Variants in CFDP1 observed in about 807,000 individuals in gnomAD.
The protein encoded by CFDP1 is heterochromatin-stabilizing protein CFDP1.
In CFDP1, 31 loss-of-function variants were observed where a neutral mutation model predicts 40.1. That is an observed-to-expected ratio of 0.77 (90% CI 0.58 to 1.04). The LOEUF (loss-of-function observed/expected upper bound fraction) is 1.04, where lower values mean the gene tolerates loss of function less well. Among genes scored for constraint, CFDP1 ranks in the 50% least tolerant of loss-of-function variants. The pLI, the probability that CFDP1 is intolerant of heterozygous loss-of-function variation, is 0.00. For synonymous variants in CFDP1, 167 were observed against 120.0 expected, an observed-to-expected ratio of 1.39 and a Z score of -2.56; for missense variants, 423 against 343.4, an observed-to-expected ratio of 1.23 and a Z score of -1.83.
At chr16:75,294,949 A>G in intron 6 of CFDP1, among the ~76,000 whole-genome samples, 1 of 152,112 alleles carries the variant, frequency 6.6e-6, no homozygotes, top group Non-Finnish European at 1.5e-5. Context: ...ATCTTAATGC[A>G]CCTCCTCACC....
intron 2 of CFDP1, among the ~76,000 whole-genome samples, chr16:75,414,297 C>T (rs768501413): frequency 6.6e-6 from 1 of 152,058 alleles, no homozygotes; most frequent in Admixed American, 6.5e-5. Context: ...GGCAAAGCAA[C>T]AAGGTCTAGG....
chr16:75,400,055 C>T (rs111560531), intron 4 of CFDP1, among the ~76,000 whole-genome samples: 3 of 139,996 alleles, frequency 2.1e-5, no homozygotes, highest in Admixed American at 1.5e-4. Flanking sequence ...GAGCCGAGAT[C>T]GTGCCATTGC....
intron 5 of CFDP1, among the ~76,000 whole-genome samples, chr16:75,384,043 T>A (rs1198382244): frequency 6.6e-6 from 1 of 152,118 alleles, no homozygotes; most frequent in Non-Finnish European, 1.5e-5. Flanking sequence ...TAATAAAAAG[T>A]CTGTTTTGGT....
At chr16:75,330,965 A>G (rs1359478999) in intron 5 of CFDP1, among the ~76,000 whole-genome samples, 1 of 146,156 alleles carries the variant, frequency 6.8e-6, no homozygotes, top group East Asian at 2.0e-4. Context: ...CAATTATTAA[A>G]AAAAAAAAAA....
chr16:75,387,498 A>G (rs1375222683), intron 5 of CFDP1, among the ~76,000 whole-genome samples: 1 of 152,172 alleles, frequency 6.6e-6, no homozygotes, highest in Non-Finnish European at 1.5e-5. Flanking sequence ...GTAAGACAAC[A>G]CCAGTACCAC....
At chr16:75,335,048 T>G (rs1437792045) in intron 5 of CFDP1, among the ~76,000 whole-genome samples, 4 of 152,094 alleles carry the variant, frequency 2.6e-5, no homozygotes, top group Non-Finnish European at 4.4e-5. Flanking sequence ...GGCATGTGTG[T>G]GGAAGCTGAG....
intron 5 of CFDP1, among the ~76,000 whole-genome samples, chr16:75,341,753 TTTC>T (rs1323493986): frequency 1.3e-5 from 2 of 152,158 alleles, no homozygotes; most frequent in Non-Finnish European, 2.9e-5. Flanking sequence ...TCCTGTTCTC[TTTC>T]TTCTTCTTGC....
At position 75,395,496 on chromosome 16, in the gene CFDP1, T is replaced by C. The variant is rs370488706; in HGVS notation, c.531-287A>G. ...CAACATGGTGAAATCCCGTCTCTATTAAAAATATAAAAATTAGCTGGGCGT... is the reference window on the plus strand; with the variant it reads ...CAACATGGTGAAATCCCGTCTCTATCAAAAATATAAAAATTAGCTGGGCGT... On this transcript the variant is annotated intron_variant, in intron 4 of 6. Coordinates refer to ENST00000283882, the MANE Select transcript of CFDP1 (RefSeq NM_006324.3). 6.5e-3 allele frequency among the ~76,000 whole-genome samples: 980 copies of C among 151,680 alleles called. 8 individuals carry two copies. Among genetic ancestry groups the C allele is most frequent in the Middle Eastern group, 0.017 (5 of 290 alleles).
intron 5 of CFDP1, among the ~76,000 whole-genome samples, chr16:75,375,849 T>C (rs534263611): frequency 6.6e-6 from 1 of 151,294 alleles, no homozygotes; most frequent in Non-Finnish European, 1.5e-5. Flanking sequence ...ATGGACCAAG[T>C]AGAACCCTCA....
At chr16:75,375,046 T>C (rs1261607478) in intron 5 of CFDP1, among the ~76,000 whole-genome samples, 1 of 120,064 alleles carries the variant, frequency 8.3e-6, no homozygotes, top group Non-Finnish European at 1.9e-5. Context: ...ATATATTGCT[T>C]CTATGTTTCT....
At chr16:75,335,642 C>T (rs994487087) in intron 5 of CFDP1, among the ~76,000 whole-genome samples, 2 of 151,358 alleles carry the variant, frequency 1.3e-5, no homozygotes, top group East Asian at 1.9e-4. Context: ...CTGCAAGCTC[C>T]GCCTCCCGGG....
intron 5 of CFDP1, among the ~76,000 whole-genome samples, chr16:75,310,486 A>T (rs1386078243): frequency 2.6e-5 from 4 of 152,344 alleles, no homozygotes; most frequent in African/African-American, 9.6e-5. Flanking sequence ...AAAGTTTATA[A>T]TGATAATTTT....
intron 1 of CFDP1, among the ~76,000 whole-genome samples, chr16:75,427,064 C>A (rs568334985): frequency 3.8e-4 from 53 of 138,326 alleles, no homozygotes; most frequent in African/African-American, 1.1e-3. Context: ...AAAAAAAAAA[C>A]AAAACAAATA....
intron 5 of CFDP1, among the ~76,000 whole-genome samples, chr16:75,361,219 C>A (rs2078677356): frequency 6.6e-6 from 1 of 152,132 alleles, no homozygotes; most frequent in South Asian, 2.1e-4. Flanking sequence ...CCATGTTGGC[C>A]AGGCTGCTCT....
intron 5 of CFDP1, among the ~76,000 whole-genome samples, chr16:75,309,847 C>CAAAAAA (rs2078285032): frequency 8.8e-6 from 1 of 113,856 alleles, no homozygotes; most frequent in Non-Finnish European, 1.9e-5. Flanking sequence ...AAAAAAAAAC[C>CAAAAAA]AATCCAGTTC....
At chr16:75,315,689 A>AT (rs1245403001) in intron 5 of CFDP1, among the ~76,000 whole-genome samples, 2 of 152,188 alleles carry the variant, frequency 1.3e-5, no homozygotes, top group Non-Finnish European at 2.9e-5. Flanking sequence ...TTTTCTTTCT[A>AT]TATATAGATT....
intron 5 of CFDP1, among the ~76,000 whole-genome samples, chr16:75,309,837 A>C (rs1333748270): frequency 1.3e-5 from 2 of 150,900 alleles, no homozygotes; most frequent in African/African-American, 2.4e-5. Context: ...AAAAAAAAAA[A>C]AAAAAAAACC....
chr16:75,419,458 C>G (rs1327491881), intron 1 of CFDP1, among the ~76,000 whole-genome samples: 1 of 152,170 alleles, frequency 6.6e-6, no homozygotes, highest in Non-Finnish European at 1.5e-5. Context: ...ACTTCTCAAA[C>G]TCTAATGACA....
chr16:75,305,416 A>G, intron 5 of CFDP1: 2 of 492,676 alleles, frequency 4.1e-6, no homozygotes, highest in East Asian at 3.5e-5. Context: ...CGAACAGGAA[A>G]TCCTGCCTTC....
Sources: allele counts gnomAD v4.1 joint callset (sites outside exome capture counted in the v4.1 genomes callset), GRCh38; gene constraint gnomAD v4.1.1; transcripts MANE v1.5; gene names NCBI Gene and HGNC (gene_info 2026-07-23, HGNC 2026-07-21).